The following TBL1X variants were observed in gnomAD, a reference collection of about 807,000 sequenced individuals.
TBL1X encodes the protein F-box-like/WD repeat-containing protein TBL1X.
TBL1X carries 10 observed loss-of-function variants against 50.7 expected under a neutral mutation model. The observed-to-expected ratio is 0.20, with a 90% CI of 0.12 to 0.33. The LOEUF is 0.33. TBL1X is among the 10% of genes least tolerant of loss of function. The pLI is 1.00. For missense variants in TBL1X, 340 were observed against 504.4 expected, an observed-to-expected ratio of 0.67 and a Z score of 3.12; for synonymous variants, 190 against 214.7, an observed-to-expected ratio of 0.88 and a Z score of 1.01.
intron 5 of TBL1X, among the ~76,000 whole-genome samples, chrX:9,661,821 G>A (rs1257864571): frequency 9.0e-6 from 1 of 111,462 alleles, no homozygotes; most frequent in African/African-American, 3.3e-5. Flanking sequence ...CGGAGGGGAA[G>A]GTTCCCTGTT....
At chrX:9,577,327 G>T (rs2082417666) in intron 2 of TBL1X, among the ~76,000 whole-genome samples, 1 of 112,029 alleles carries the variant, frequency 8.9e-6, no homozygotes, top group African/African-American at 3.2e-5. Flanking sequence ...AGAGCAGACA[G>T]ATGAACAGTC....
At chrX:9,583,807 T>C (rs2082454435) in intron 2 of TBL1X, among the ~76,000 whole-genome samples, 1 of 111,849 alleles carries the variant, frequency 8.9e-6, no homozygotes, top group African/African-American at 3.3e-5. Flanking sequence ...TGATTGTAAA[T>C]GTCAAACCAA....
intron 1 of TBL1X, among the ~76,000 whole-genome samples, chrX:9,480,553 CCTCATA>C (rs1408424821): frequency 9.1e-6 from 1 of 110,077 alleles, no homozygotes; most frequent in East Asian, 2.8e-4. Context: ...GAGAGAGGAG[CCTCATA>C]CTGTCTTTAT....
intron 15 of TBL1X, 56 bp downstream of exon 15, chrX:9,709,816 A>G: frequency 8.4e-7 from 1 of 1,185,634 alleles, no homozygotes; most frequent in Non-Finnish European, 1.1e-6. Context: ...ACAACAGGAA[A>G]TTCTGCTAAA....
At chrX:9,469,062 C>A (rs940027344) in intron 1 of TBL1X, among the ~76,000 whole-genome samples, 2 of 111,201 alleles carry the variant, frequency 1.8e-5, no homozygotes, top group African/African-American at 6.5e-5. Context: ...TCCAGTGATC[C>A]TTCCTCCTTG....
At chrX:9,675,219 G>A (rs1326997483) in intron 5 of TBL1X, among the ~76,000 whole-genome samples, 3 of 111,696 alleles carry the variant, frequency 2.7e-5, no homozygotes, top group Non-Finnish European at 5.6e-5. Context: ...TTTAGGCAAA[G>A]TAAGAAGAGC....
At chrX:9,466,917 C>A (rs1423044776) in intron 1 of TBL1X, among the ~76,000 whole-genome samples, 4 of 111,951 alleles carry the variant, frequency 3.6e-5, no homozygotes, top group African/African-American at 1.3e-4. Flanking sequence ...GCCCTTAAGG[C>A]GATTCCAGCC....
At chrX:9,536,154 A>G (rs1033104215) in intron 2 of TBL1X, among the ~76,000 whole-genome samples, 1 of 111,806 alleles carries the variant, frequency 8.9e-6, no homozygotes, top group Non-Finnish European at 1.9e-5. Flanking sequence ...AGTACCTTAC[A>G]AGCTGCTGCA....
chrX:9,594,252 A>C (rs928624792), intron 2 of TBL1X, among the ~76,000 whole-genome samples: 1 of 112,665 alleles, frequency 8.9e-6, no homozygotes. Flanking sequence ...AATTCCCAAG[A>C]ATATACCTCA....
At chrX:9,630,068 A>G (rs1168523110) in intron 2 of TBL1X, among the ~76,000 whole-genome samples, 1 of 111,090 alleles carries the variant, frequency 9.0e-6, no homozygotes, top group African/African-American at 3.3e-5. Flanking sequence ...TAAGTCCCAT[A>G]AAGGTGTTTT....
chrX:9,574,537 C>T (rs1478839733), intron 2 of TBL1X, among the ~76,000 whole-genome samples: 1 of 109,526 alleles, frequency 9.1e-6, no homozygotes, highest in African/African-American at 3.3e-5. Context: ...TTTACCTTCC[C>T]GAACCTTTGC....
At chrX:9,499,773 C>T (rs1012206752) in intron 1 of TBL1X, among the ~76,000 whole-genome samples, 3 of 110,444 alleles carry the variant, frequency 2.7e-5, no homozygotes, top group South Asian at 3.8e-4. Flanking sequence ...GTCAGGAGTT[C>T]GAGACCAGCT....
intron 1 of TBL1X, among the ~76,000 whole-genome samples, chrX:9,472,821 G>A (rs1489981078): frequency 1.1e-4 from 12 of 110,113 alleles, no homozygotes; most frequent in Non-Finnish European, 1.9e-5. Context: ...GCTGAGACAG[G>A]AGAATGGCGT....
intron 2 of TBL1X, among the ~76,000 whole-genome samples, chrX:9,549,543 C>T (rs186546948): frequency 1.0e-3 from 112 of 111,716 alleles, no homozygotes; most frequent in African/African-American, 3.5e-3. Context: ...AAAATATTTA[C>T]TCTCTGGCCC....
intron 1 of TBL1X, among the ~76,000 whole-genome samples, chrX:9,492,506 G>A (rs2081949659): frequency 9.0e-6 from 1 of 111,517 alleles, no homozygotes; most frequent in African/African-American, 3.3e-5. Flanking sequence ...TACCAGTCTT[G>A]GTAATTTCTA....
chrX:9,692,363 G>A (rs902275050), intron 9 of TBL1X, 109 bp downstream of exon 9: 1 of 988,579 alleles, frequency 1.0e-6, no homozygotes, highest in African/African-American at 1.9e-5. Context: ...AGGTGGTCCT[G>A]TGTGCTCAGC....
At chrX:9,623,016 A>C (rs1264596740) in intron 2 of TBL1X, among the ~76,000 whole-genome samples, 1 of 111,521 alleles carries the variant, frequency 9.0e-6, no homozygotes, top group Admixed American at 9.5e-5. Flanking sequence ...TTGCTGGATC[A>C]CATGGTAATT....
At chrX:9,635,427 A>G (rs992147611) in intron 2 of TBL1X, among the ~76,000 whole-genome samples, 11 of 105,289 alleles carry the variant, frequency 1.0e-4, no homozygotes, top group Non-Finnish European at 1.6e-4. Context: ...TCTGAGTGGG[A>G]AAAAAAAAAA....
chrX:9,574,185 T>TG (rs1462065975), intron 2 of TBL1X, among the ~76,000 whole-genome samples: 1 of 110,462 alleles, frequency 9.1e-6, no homozygotes, highest in Non-Finnish European at 1.9e-5. Flanking sequence ...TTGCTGTGGC[T>TG]GGGTGCAGTG....
Sources: allele counts gnomAD v4.1 joint callset (sites outside exome capture counted in the v4.1 genomes callset), GRCh38; gene constraint gnomAD v4.1.1; transcripts MANE v1.5; gene names NCBI Gene and HGNC (gene_info 2026-07-23, HGNC 2026-07-21).